The following SHISAL1 variants were observed in gnomAD, a reference collection of about 807,000 sequenced individuals.
SHISAL1 encodes the protein protein shisa-like-1.
A neutral mutation model predicts 22.6 loss-of-function variants in SHISAL1; 9 were observed. The ratio of observed to expected loss-of-function variants is 0.40; its 90% CI spans 0.24 to 0.70. The LOEUF is 0.70. Among genes scored for constraint, SHISAL1 ranks in the 30% least tolerant of loss-of-function variants. The probability of loss-of-function intolerance (pLI) is 0.39; values close to 1 mark genes in which losing one functional copy is unlikely to be tolerated. For missense variants in SHISAL1, 246 were observed against 270.6 expected, an observed-to-expected ratio of 0.91 and a Z score of 0.64; for synonymous variants, 119 against 115.4, an observed-to-expected ratio of 1.03 and a Z score of -0.20.
intron 1 of SHISAL1, among the ~76,000 whole-genome samples, chr22:44,308,792 C>A (rs997603008): frequency 7.2e-6 from 1 of 138,926 alleles, no homozygotes; most frequent in Non-Finnish European, 1.7e-5. Context: ...GAACCATGAC[C>A]TCTGCCCCAG....
At chr22:44,261,100 C>CTATATATATATATATATATAT (rs2055120791) in intron 4 of SHISAL1, among the ~76,000 whole-genome samples, 1 of 117,840 alleles carries the variant, frequency 8.5e-6, no homozygotes, top group African/African-American at 3.8e-5. Flanking sequence ...TATATATATA[C>CTATATATATATATATATATAT]ACTATATGGA....
the SHISAL1 span, among the ~76,000 whole-genome samples, chr22:44,326,397 G>A: frequency 2.6e-5 from 4 of 152,228 alleles, no homozygotes; most frequent in South Asian, 2.1e-4. Context: ...CGGCAGAGCC[G>A]GCCATCCCCT....
chr22:44,282,093 G>A (rs8136291), intron 4 of SHISAL1, among the ~76,000 whole-genome samples: 5,382 of 152,308 alleles, frequency 0.035, 282 homozygotes, highest in East Asian at 0.14. Flanking sequence ...GCTGTTCAGC[G>A]GTGGCCTGGG....
chr22:44,304,842 C>T (rs1469016699), intron 1 of SHISAL1, among the ~76,000 whole-genome samples: 1 of 152,076 alleles, frequency 6.6e-6, no homozygotes, highest in African/African-American at 2.4e-5. Flanking sequence ...TCCCCAGACT[C>T]CAGCTCCTCT....
chr22:44,266,562 G>A (rs1569211396), intron 4 of SHISAL1, among the ~76,000 whole-genome samples: 1 of 145,910 alleles, frequency 6.9e-6, no homozygotes, highest in Non-Finnish European at 1.5e-5. Context: ...GTGTGTGTTG[G>A]AGGGCTCTGG....
the SHISAL1 span, among the ~76,000 whole-genome samples, chr22:44,331,714 A>AGCTGGG: frequency 1.4e-5 from 2 of 144,356 alleles, no homozygotes; most frequent in Non-Finnish European, 3.1e-5. The surrounding 1 kb of genome is among the most constrained non-coding windows in gnomAD (Gnocchi z 5.2). Context: ...CGCGGCGCGG[A>AGCTGGG]GCTGGGGCCG....
chr22:44,294,692 G>A (rs890758375), intron 3 of SHISAL1, among the ~76,000 whole-genome samples: 8 of 152,150 alleles, frequency 5.3e-5, no homozygotes, highest in Admixed American at 5.2e-4. Flanking sequence ...GGAATAATTG[G>A]AAACCTAAGA....
chr22:44,316,076 C>A (rs2055556740), upstream of SHISAL1, among the ~76,000 whole-genome samples: 1 of 152,180 alleles, frequency 6.6e-6, no homozygotes, highest in Admixed American at 6.5e-5. Context: ...ACATCATGCT[C>A]CTGCAACAGG....
At chr22:44,265,797 CGATGGGGAG>C (rs951425180) in intron 4 of SHISAL1, among the ~76,000 whole-genome samples, 1 of 152,214 alleles carries the variant, frequency 6.6e-6, no homozygotes, top group Non-Finnish European at 1.5e-5. Context: ...CACACCCCAG[CGATGGGGAG>C]CTCCCTGCTT....
the SHISAL1 span, among the ~76,000 whole-genome samples, chr22:44,325,565 A>G: frequency 1.3e-5 from 2 of 152,016 alleles, no homozygotes; most frequent in Non-Finnish European, 2.9e-5. Flanking sequence ...AACTTATTCT[A>G]TTTGCTCTCA....
chr22:44,285,641 T>A lies in SHISAL1; in HGVS notation c.386A>T (p.Lys129Met). The change falls in exon 4 of 5, where the codon AAG becomes ATG. Residue 129 changes from lysine to methionine, a missense_variant. Around this residue, in one of 2 missense-constraint regions of SHISAL1, gnomAD observed 136 missense variants for 117.5 expected, o/e 1.16. Transcript: ENST00000381176. ...GATGCCCCACCGTGCCAGGTAGACC[T>A]TGCAGATGTCGTAGTTCATTGCCGA... ...YYSAMNYDIC[K>M]VYLARWGIQG... 6.2e-7 allele frequency: 1 copy of A among 1,614,210 alleles called. No homozygotes were observed. Among genetic ancestry groups the A allele is most frequent in the Non-Finnish European group, 8.5e-7 (1 of 1,180,014 alleles).
intron 2 of SHISAL1, among the ~76,000 whole-genome samples, chr22:44,297,733 T>C (rs1224945162): frequency 2.6e-5 from 4 of 152,194 alleles, no homozygotes; most frequent in African/African-American, 4.8e-5. Flanking sequence ...AATATAACAA[T>C]GGAAAAAACC....
At chr22:44,289,375 TGCTTGTCCCG>T (rs1260096624) in intron 3 of SHISAL1, among the ~76,000 whole-genome samples, 1 of 152,196 alleles carries the variant, frequency 6.6e-6, no homozygotes, top group Non-Finnish European at 1.5e-5. Flanking sequence ...GTGGTGTGCC[TGCTTGTCCCG>T]GCCCACCCTC....
upstream of SHISAL1, among the ~76,000 whole-genome samples, chr22:44,317,774 G>A (rs750194270): frequency 2.0e-5 from 3 of 152,192 alleles, no homozygotes; most frequent in Non-Finnish European, 4.4e-5. Flanking sequence ...GACTCCCCAA[G>A]TCCTCTCCGT....
chr22:44,257,474 C>T lies in SHISAL1; in HGVS notation c.*-7789G>A, dbSNP rs565346441. ...TTCATGATTTGTGGCATTAATGCCACTTACACATTGAGCCCTCTGCCCTGA... is the reference window on the plus strand; with the variant it reads ...TTCATGATTTGTGGCATTAATGCCATTTACACATTGAGCCCTCTGCCCTGA... On this transcript the variant is annotated intron_variant, in intron 4 of 4. Transcript: ENST00000381176. 7.9e-4 allele frequency among the ~76,000 whole-genome samples: 118 copies of T among 149,170 alleles called. 1 individual carries two copies. The highest frequency in any genetic ancestry group is 2.8e-3 in the African/African-American group (113 of 40,570).
chr22:44,256,752 G>A (rs536363316), intron 4 of SHISAL1, among the ~76,000 whole-genome samples: 5 of 151,978 alleles, frequency 3.3e-5, no homozygotes, highest in Non-Finnish European at 1.5e-5. Flanking sequence ...CCTGGCACAG[G>A]GTCTACACTC....
upstream of SHISAL1, among the ~76,000 whole-genome samples, chr22:44,317,289 A>C (rs1249140632): frequency 1.3e-5 from 2 of 152,222 alleles, no homozygotes; most frequent in Non-Finnish European, 2.9e-5. Flanking sequence ...ACCGACGAGC[A>C]GGGCCCGGCC....
chr22:44,295,518 A>G (rs1355789712), intron 3 of SHISAL1, among the ~76,000 whole-genome samples: 1 of 144,448 alleles, frequency 6.9e-6, no homozygotes, highest in Non-Finnish European at 1.5e-5. Context: ...AAACCATAAA[A>G]GAAAAAAAAA....
intron 4 of SHISAL1, among the ~76,000 whole-genome samples, chr22:44,262,658 C>T (rs1008914333): frequency 1.3e-5 from 2 of 152,212 alleles, no homozygotes; most frequent in African/African-American, 4.8e-5. Flanking sequence ...GCCACACGGC[C>T]AGCCCCTCTC....
Sources: gnomAD v4.1 joint callset for allele counts (sites outside exome capture counted in the v4.1 genomes callset) on GRCh38, gnomAD v4.1.1 for gene constraint, gnomAD v4.1.1 regional missense constraint, Gnocchi (gnomAD v3.1) non-coding constraint, MANE v1.5 for transcripts, NCBI Gene and HGNC (gene_info 2026-07-23, HGNC 2026-07-21) for gene names.